Variants in LSAMP observed in about 807,000 individuals in gnomAD.
The protein encoded by LSAMP is limbic system-associated membrane protein.
Under a neutral mutation model 38.6 loss-of-function variants are expected in LSAMP, and 7 were observed. That is an observed-to-expected ratio of 0.18 (90% confidence interval 0.10 to 0.34). LSAMP has a LOEUF of 0.34. LSAMP is among the 10% of genes least tolerant of loss of function. LSAMP has a pLI of 1.00. For missense variants in LSAMP, 313 were observed against 420.0 expected, an observed-to-expected ratio of 0.75 and a Z score of 2.23; for synonymous variants, 154 against 166.8, an observed-to-expected ratio of 0.92 and a Z score of 0.59.
At chr3:115,893,755 G>A (rs568434325) in intron 3 of LSAMP, among the ~76,000 whole-genome samples, 29 of 151,970 alleles carry the variant, frequency 1.9e-4, no homozygotes, top group African/African-American at 6.7e-4. Flanking sequence ...ACATTCTCTC[G>A]ATTTTATGTT....
At chr3:116,110,255 C>A (rs1708572410) in intron 1 of LSAMP, among the ~76,000 whole-genome samples, 1 of 152,012 alleles carries the variant, frequency 6.6e-6, no homozygotes, top group South Asian at 2.1e-4. Context: ...GGTTGGGGTA[C>A]TTGCCCTTTC....
intron 1 of LSAMP, among the ~76,000 whole-genome samples, chr3:116,192,059 A>G (rs1710766758): frequency 6.6e-6 from 1 of 152,202 alleles, no homozygotes; most frequent in Non-Finnish European, 1.5e-5. Context: ...TAACCTAATA[A>G]TCATTTAAAA....
Position 115,893,369 on chromosome 3 carries a change from G to T in LSAMP, c.515-40752C>A, listed in dbSNP as rs7616455. On this transcript the variant is annotated intron_variant, in intron 3 of 6. Coordinates refer to ENST00000490035, the MANE Select transcript of LSAMP (RefSeq NM_002338.5). ...GAACTCTGACGACAAACTGGTTAAT[G>T]AATATTGTCAACTCAAATAATATTT... 4.6e-3 allele frequency among the ~76,000 whole-genome samples: 702 copies of T among 152,088 alleles called. 7 individuals carry two copies. The highest frequency in any genetic ancestry group is 0.016 in the African/African-American group (650 of 41,524).
At chr3:115,827,067 C>T (rs925584545) in intron 6 of LSAMP, among the ~76,000 whole-genome samples, 2 of 151,176 alleles carry the variant, frequency 1.3e-5, no homozygotes, top group Non-Finnish European at 2.9e-5. Context: ...TCCCAAGTTA[C>T]TCTAGCTTGC....
intron 1 of LSAMP, among the ~76,000 whole-genome samples, chr3:116,193,982 G>T (rs1331994052): frequency 6.6e-6 from 1 of 152,162 alleles, no homozygotes; most frequent in Non-Finnish European, 1.5e-5. Context: ...AAGTCATGAT[G>T]AGTTTCAGAC....
At chr3:115,987,999 T>C (rs983252811) in intron 3 of LSAMP, among the ~76,000 whole-genome samples, 3 of 152,104 alleles carry the variant, frequency 2.0e-5, no homozygotes, top group Admixed American at 6.6e-5. Flanking sequence ...AAGCTAAATA[T>C]GTAATGTTTC....
intron 1 of LSAMP, among the ~76,000 whole-genome samples, chr3:116,096,716 C>T (rs1430655512): frequency 1.3e-5 from 2 of 152,154 alleles, no homozygotes; most frequent in African/African-American, 4.8e-5. Flanking sequence ...AAATAGAGGC[C>T]CATGCTGTGC....
At chr3:116,115,353 A>AT (rs1708717823) in intron 1 of LSAMP, among the ~76,000 whole-genome samples, 1 of 152,162 alleles carries the variant, frequency 6.6e-6, no homozygotes, top group Admixed American at 6.5e-5. Flanking sequence ...AATGATCCCC[A>AT]TTTTTCAGAA....
intron 1 of LSAMP, among the ~76,000 whole-genome samples, chr3:116,407,870 T>C (rs1335577957): frequency 2.6e-5 from 4 of 152,134 alleles, no homozygotes; most frequent in African/African-American, 9.6e-5. Flanking sequence ...TTGTGACAAG[T>C]GACAAGCCAT....
At chr3:115,899,135 T>A (rs1218051128) in intron 3 of LSAMP, among the ~76,000 whole-genome samples, 1 of 152,110 alleles carries the variant, frequency 6.6e-6, no homozygotes. Flanking sequence ...AGGCAGCCAA[T>A]CTGAAACAGA....
chr3:115,935,576 G>A (rs1937672923), intron 3 of LSAMP, among the ~76,000 whole-genome samples: 1 of 152,276 alleles, frequency 6.6e-6, no homozygotes, highest in African/African-American at 2.4e-5. Flanking sequence ...CCTGGGAAAT[G>A]ATTTAAAAGT....
At chr3:116,088,763 C>T (rs1708050539) in intron 1 of LSAMP, among the ~76,000 whole-genome samples, 1 of 152,150 alleles carries the variant, frequency 6.6e-6, no homozygotes, top group Admixed American at 6.6e-5. Context: ...CCAATCTCTT[C>T]ACTTTAAAAG....
At chr3:115,986,534 T>C (rs1939514218) in intron 3 of LSAMP, among the ~76,000 whole-genome samples, 1 of 152,160 alleles carries the variant, frequency 6.6e-6, no homozygotes, top group Non-Finnish European at 1.5e-5. Flanking sequence ...TTTGCTTTCT[T>C]TTTAAACCCT....
At chr3:116,198,958 C>T (rs1186446714) in intron 1 of LSAMP, among the ~76,000 whole-genome samples, 1 of 151,834 alleles carries the variant, frequency 6.6e-6, no homozygotes, top group East Asian at 1.9e-4. Context: ...ATGGTGCATG[C>T]CTGTCATTCT....
intron 2 of LSAMP, among the ~76,000 whole-genome samples, chr3:116,030,958 T>C (rs1420893625): frequency 1.3e-5 from 2 of 152,146 alleles, no homozygotes; most frequent in African/African-American, 4.8e-5. Flanking sequence ...AAACATGTCA[T>C]GGGCAACCAA....
At chr3:115,939,568 C>CTTTCTTTCT (rs1559889064) in intron 3 of LSAMP, among the ~76,000 whole-genome samples, 3 of 57,624 alleles carry the variant, frequency 5.2e-5, no homozygotes, top group Non-Finnish European at 1.4e-4. Flanking sequence ...TTCTTTCTTT[C>CTTTCTTTCT]TTTCTTTCTT....
chr3:116,394,763 G>A lies in LSAMP; in HGVS notation c.155+50114C>T, dbSNP rs566307263. Among the ~76,000 whole-genome samples, 9 of 152,174 alleles carry A rather than the reference G, an allele frequency of 5.9e-5. No individual in the cohort carries two copies. The South Asian group carries it at 6.2e-4, about 11-fold the overall frequency. On this transcript the variant is annotated intron_variant, in intron 1 of 6. Transcript: ENST00000490035. ...CTTCCTCAATTTATTGAACTAATAC[G>A]TGTTTTTCTTCCACATCTATTGGTA...
At chr3:116,362,777 A>G (rs1224978413) in intron 1 of LSAMP, among the ~76,000 whole-genome samples, 1 of 97,198 alleles carries the variant, frequency 1.0e-5, no homozygotes, top group Non-Finnish European at 1.9e-5. Context: ...ACATAACGAA[A>G]TGAAGGCAGA....
intron 1 of LSAMP, among the ~76,000 whole-genome samples, chr3:116,163,926 C>G (rs1709967677): frequency 6.6e-6 from 1 of 151,914 alleles, no homozygotes; most frequent in Non-Finnish European, 1.5e-5. Context: ...TTTCAAAATG[C>G]TTTTGCATTT....
Sources: allele counts gnomAD v4.1 joint callset (sites outside exome capture counted in the v4.1 genomes callset), GRCh38; gene constraint gnomAD v4.1.1; transcripts MANE v1.5; gene names NCBI Gene and HGNC (gene_info 2026-07-23, HGNC 2026-07-21).